Variants in RBFOX1 observed in about 807,000 individuals in gnomAD.
The protein encoded by RBFOX1 is RNA binding protein fox-1 homolog 1.
A neutral mutation model predicts 57.7 loss-of-function variants in RBFOX1; 8 were observed. The observed-to-expected ratio is 0.14, with a 90% CI of 0.08 to 0.25. The LOEUF is 0.25. RBFOX1 is among the 10% of genes least tolerant of loss of function. RBFOX1 has a pLI of 1.00. For missense variants in RBFOX1, 611 were observed against 548.5 expected, an observed-to-expected ratio of 1.11 and a Z score of -1.14; for synonymous variants, 326 against 222.4, an observed-to-expected ratio of 1.47 and a Z score of -4.15.
intron 3 of RBFOX1, among the ~76,000 whole-genome samples, chr16:6,833,600 A>G (rs745841755): frequency 6.6e-6 from 1 of 152,218 alleles, no homozygotes; most frequent in African/African-American, 2.4e-5. Flanking sequence ...ACCTGTTAGT[A>G]TGTTGTTAAA....
chr16:5,561,588 G>T (rs775868167), intron 2 of RBFOX1, among the ~76,000 whole-genome samples: 3 of 152,066 alleles, frequency 2.0e-5, no homozygotes, highest in Non-Finnish European at 2.9e-5. Flanking sequence ...AAGGGGTGAC[G>T]ATATAAGGTT....
chr16:6,947,787 A>G (rs1429382040), intron 3 of RBFOX1, among the ~76,000 whole-genome samples: 1 of 151,698 alleles, frequency 6.6e-6, no homozygotes, highest in African/African-American at 2.4e-5. Context: ...GCTCTTTTTC[A>G]TTTTTTGGAG....
chr16:6,234,828 C>A (rs1465354861), intron 1 of RBFOX1, among the ~76,000 whole-genome samples: 3 of 152,020 alleles, frequency 2.0e-5, no homozygotes. Flanking sequence ...CACACACACA[C>A]ACACACAGGC....
At chr16:6,797,394 G>C (rs1008212664) in intron 3 of RBFOX1, among the ~76,000 whole-genome samples, 2 of 152,120 alleles carry the variant, frequency 1.3e-5, no homozygotes, top group Non-Finnish European at 2.9e-5. Flanking sequence ...TCGAAAGAGA[G>C]AGCGAGAGAA....
intron 1 of RBFOX1, among the ~76,000 whole-genome samples, chr16:5,372,683 G>A (rs918305493): frequency 6.6e-6 from 1 of 152,160 alleles, no homozygotes; most frequent in Non-Finnish European, 1.5e-5. Context: ...TTTGCAAGGA[G>A]CTGTTTCTTC....
intron 2 of RBFOX1, among the ~76,000 whole-genome samples, chr16:6,527,322 G>T (rs191322596): frequency 9.5e-4 from 145 of 151,944 alleles, no homozygotes; most frequent in Non-Finnish European, 1.8e-3. Context: ...ACTAAGAGGG[G>T]TGTGTATGTG....
intron 4 of RBFOX1, among the ~76,000 whole-genome samples, chr16:7,145,077 T>A (rs376262584): frequency 6.6e-6 from 1 of 152,226 alleles, no homozygotes; most frequent in Admixed American, 6.5e-5. Context: ...TTGGTACCAA[T>A]CCTAGCTTGA....
intron 8 of RBFOX1, 167 bp from the exon 9 acceptor site, chr16:7,597,204 T>A: frequency 2.0e-6 from 1 of 508,114 alleles, no homozygotes; most frequent in East Asian, 3.3e-5. Context: ...AATGTAATTT[T>A]AAAAATGTAT....
At position 5,483,734 on chromosome 16, in the gene RBFOX1, C is replaced by T. The variant is rs142069230; in HGVS notation, c.258+16480C>T. 2.7e-3 allele frequency among the ~76,000 whole-genome samples: 406 copies of T among 152,310 alleles called. 6 individuals are homozygous for T. The highest frequency in any genetic ancestry group is 9.3e-3 in the African/African-American group (388 of 41,576). On this transcript the variant is annotated intron_variant, in intron 2 of 2. Transcript: ENST00000585867. Reference sequence around the variant, plus strand: ...AGATATGGATGAGTGTATTAGTTATCTATTGCTGTGTAACAAATTACCCCC... The same window carrying T: ...AGATATGGATGAGTGTATTAGTTATTTATTGCTGTGTAACAAATTACCCCC...
At chr16:5,435,955 G>T (rs1036705095) in intron 1 of RBFOX1, among the ~76,000 whole-genome samples, 2 of 152,156 alleles carry the variant, frequency 1.3e-5, no homozygotes, top group South Asian at 4.1e-4. Context: ...ACTTCCTTAG[G>T]AATTTGAAGT....
Position 7,710,007 on chromosome 16 carries a change from A to G in RBFOX1, c.1072-616A>G, listed in dbSNP as rs547730256. 4.8e-4 allele frequency: 484 copies of G among 1,009,328 alleles called. 3 individuals are homozygous for G. In the African/African-American group the frequency reaches 8.2e-3, roughly 17 times the overall value. The allele number at this position is 1,009,328 out of a possible 1,614,324, so 62.5% of individuals were successfully genotyped here. A position where few individuals can be genotyped will look rare whatever the true frequency, so the allele number is the denominator to read the frequency against. On this transcript the variant is annotated intron_variant, in intron 15 of 15. Coordinates refer to ENST00000550418, the MANE Select transcript of RBFOX1 (RefSeq NM_018723.4). ...TAGAAAAAGGAAATCGTTAAGTGCC[A>G]CCTTGTAGCCATTAAAACCATGGCC...
At position 6,269,495 on chromosome 16, in the gene RBFOX1, A is replaced by G. The variant is rs534250362; in HGVS notation, c.-126-47500A>G. Among the ~76,000 whole-genome samples, 6 of 152,314 alleles carry G rather than the reference A, an allele frequency of 3.9e-5. No homozygotes were observed. In the South Asian group the frequency reaches 1.0e-3, roughly 26 times the overall value. On this transcript the variant is annotated intron_variant, in intron 1 of 15. Transcript: ENST00000550418. ...AAAACATCTTGGAAGTAACGAGAGT[A>G]AAATGCACGCCATCCTTATAGGAGG...
chr16:6,645,153 C>T (rs1353944117), intron 2 of RBFOX1, among the ~76,000 whole-genome samples: 1 of 152,160 alleles, frequency 6.6e-6, no homozygotes, highest in Non-Finnish European at 1.5e-5. Context: ...CTTCACATGG[C>T]TTTCTCTTCT....
intron 1 of RBFOX1, among the ~76,000 whole-genome samples, chr16:6,252,051 A>G (rs532987543): frequency 6.6e-6 from 1 of 152,100 alleles, no homozygotes; most frequent in South Asian, 2.1e-4. Context: ...TCCTTGCTTG[A>G]TGGAGGTTCG....
Position 6,887,556 on chromosome 16 carries a change from T to C in RBFOX1, c.-15-164501T>C, listed in dbSNP as rs553283442. Among the ~76,000 whole-genome samples the C allele has an allele frequency of 2.2e-3, 310 of 142,728 alleles. 1 individual carries two copies. The highest frequency in any genetic ancestry group is 3.0e-3 in the Non-Finnish European group (192 of 63,364). 93.6% of individuals were successfully genotyped at this position (142,728 alleles called of 152,430 possible). The stretch of plus-strand genomic sequence containing the variant: ...ATCTGTTTATAGACACAAAAACACA[T>C]ATACTTTTTTTTTTCCTTTCGAATT... On this transcript the variant is annotated intron_variant, in intron 3 of 15. Transcript: ENST00000550418.
chr16:7,421,716 A>C (rs902656361), intron 4 of RBFOX1, among the ~76,000 whole-genome samples: 6 of 152,260 alleles, frequency 3.9e-5, no homozygotes, highest in Non-Finnish European at 7.3e-5. Flanking sequence ...GCAGTCATAG[A>C]AATAACAACT....
intron 2 of RBFOX1, among the ~76,000 whole-genome samples, chr16:6,575,060 A>C (rs1057101170): frequency 2.0e-4 from 29 of 146,858 alleles, no homozygotes; most frequent in Non-Finnish European, 3.8e-4. Context: ...AAAAAAAAAA[A>C]AACAGCATCC....
rs573734725 is a variant in RBFOX1 at position 6,182,569 on chromosome 16, T to G, written c.-126-134426T>G. On this transcript the variant is annotated intron_variant, in intron 1 of 15. Coordinates refer to ENST00000550418, the MANE Select transcript of RBFOX1 (RefSeq NM_018723.4). ...GCCACATAACTTTGTATTGAATTGG[T>G]CTAATATTTACTTACCCCTTCCTCC... 2.6e-5 allele frequency among the ~76,000 whole-genome samples: 4 copies of G among 152,338 alleles called. No individual in the cohort carries two copies. The East Asian group carries it at 7.7e-4, about 29-fold the overall frequency.
At chr16:7,417,236 G>A (rs1044760856) in intron 4 of RBFOX1, among the ~76,000 whole-genome samples, 1 of 151,772 alleles carries the variant, frequency 6.6e-6, no homozygotes, top group African/African-American at 2.4e-5. Context: ...GGCTGGGCGT[G>A]GTGGTGTGTG....
Sources: allele counts gnomAD v4.1 joint callset (sites outside exome capture counted in the v4.1 genomes callset), GRCh38; gene constraint gnomAD v4.1.1; transcripts MANE v1.5; gene names NCBI Gene and HGNC (gene_info 2026-07-23, HGNC 2026-07-21).